Variants in ATP2C2 observed in about 807,000 individuals in gnomAD.
The protein encoded by ATP2C2 is calcium-transporting ATPase type 2C member 2.
A neutral mutation model predicts 110.8 loss-of-function variants in ATP2C2; 171 were observed. The ratio of observed to expected loss-of-function variants is 1.54; its 90% CI spans 1.36 to 1.75. The LOEUF (loss-of-function observed/expected upper bound fraction) is 1.75. Among genes scored for constraint, ATP2C2 ranks in the 40% most tolerant of loss-of-function variants. The pLI is 0.00. For synonymous variants in ATP2C2, 804 were observed against 508.4 expected, an observed-to-expected ratio of 1.58 and a Z score of -7.82; for missense variants, 1,963 against 1,235.0, an observed-to-expected ratio of 1.59 and a Z score of -8.84.
At chr16:84,449,244 C>G (rs1022773302) in intron 17 of ATP2C2, among the ~76,000 whole-genome samples, 2 of 152,234 alleles carry the variant, frequency 1.3e-5, no homozygotes, top group African/African-American at 4.8e-5. Context: ...CTTACTGGCT[C>G]AGGAGCCTTG....
intron 21 of ATP2C2, among the ~76,000 whole-genome samples, chr16:84,455,753 A>G (rs75848371): frequency 1.6e-5 from 1 of 64,490 alleles, no homozygotes; most frequent in Middle Eastern, 8.1e-3. Context: ...CACACTTAGA[A>G]AAAAAAAAAA....
chr16:84,459,654 C>A, intron 23 of ATP2C2: 1 of 1,386,138 alleles, frequency 7.2e-7, no homozygotes, highest in Non-Finnish European at 9.8e-7. Flanking sequence ...CTGCATGGCT[C>A]ATTCTCATGC....
intron 15 of ATP2C2, among the ~76,000 whole-genome samples, chr16:84,443,402 T>A (rs1041567655): frequency 6.6e-6 from 1 of 152,164 alleles, no homozygotes; most frequent in East Asian, 1.9e-4. Context: ...CTTTCTGCTG[T>A]GTGACTTGTC....
chr16:84,442,672 C>A, intron 15 of ATP2C2, 73 bp downstream of exon 15: 7 of 1,431,444 alleles, frequency 4.9e-6, no homozygotes, highest in Non-Finnish European at 6.9e-6. Flanking sequence ...AAAGCCAGCT[C>A]CTGTCTGAGC....
chr16:84,429,202 A>T (rs191852368), intron 11 of ATP2C2, among the ~76,000 whole-genome samples: 11 of 152,264 alleles, frequency 7.2e-5, no homozygotes, highest in Admixed American at 3.9e-4. Context: ...CCCAGGCTGG[A>T]GTGCAATGGC....
At chr16:84,459,052 C>A (rs1356945846) in intron 21 of ATP2C2, 68 bp from the exon 22 acceptor site, 8 of 1,553,080 alleles carry the variant, frequency 5.2e-6, no homozygotes, top group African/African-American at 1.4e-5. Flanking sequence ...CCCCTTGCAG[C>A]AACCGATGCA....
chr16:84,398,803 C>T (rs1257886020), intron 2 of ATP2C2, among the ~76,000 whole-genome samples, 194 bp downstream of exon 2: 2 of 152,200 alleles, frequency 1.3e-5, no homozygotes, highest in African/African-American at 2.4e-5. Context: ...TAGAGCTCGT[C>T]TTCACCAGGC....
At chr16:84,441,013 G>T (rs1909205991) in intron 14 of ATP2C2, 55 bp downstream of exon 14, 1 of 1,391,876 alleles carries the variant, frequency 7.2e-7, no homozygotes, top group Non-Finnish European at 1.0e-6. Flanking sequence ...GGCTTCTGGG[G>T]CTCCTCTCTG....
chr16:84,370,864 A>T (rs775372256), intron 1 of ATP2C2, among the ~76,000 whole-genome samples: 2 of 151,986 alleles, frequency 1.3e-5, no homozygotes, highest in African/African-American at 4.8e-5. Context: ...GTTACTGAGA[A>T]CTTGCTGTGT....
intron 7 of ATP2C2, among the ~76,000 whole-genome samples, chr16:84,421,031 C>T (rs1235070986): frequency 2.0e-5 from 3 of 152,120 alleles, no homozygotes; most frequent in African/African-American, 7.2e-5. Context: ...GTCTCGAACT[C>T]CTGACTTCAA....
Position 84,417,512 on chromosome 16 carries a change from A to G in ATP2C2, c.624+1921A>G, listed in dbSNP as rs143866668. Reference sequence around the variant, plus strand: ...TTTTATTTTTTATCATTATCGTTCTATACAACGGTTCTTTGAAACAACTTT... The same window carrying G: ...TTTTATTTTTTATCATTATCGTTCTGTACAACGGTTCTTTGAAACAACTTT... On this transcript the variant is annotated intron_variant, in intron 7 of 26. Coordinates refer to ENST00000262429, the MANE Select transcript of ATP2C2 (RefSeq NM_014861.4). Among the ~76,000 whole-genome samples, 21 of 152,288 alleles carry G rather than the reference A, an allele frequency of 1.4e-4. 1 individual carries two copies. The highest frequency in any genetic ancestry group is 4.6e-4 in the African/African-American group (19 of 41,548).
chr16:84,453,369 A>T lies in ATP2C2; in HGVS notation c.1978A>T (p.Lys660Ter), dbSNP rs372297683. The change falls in exon 20 of 27, where the codon AAG (lysine) becomes TAG (stop). Residue 660 changes from lysine (K) to a stop codon, truncating the protein, a stop_gained and splice_region_variant. Transcript: ENST00000262429. LOFTEE classifies it high-confidence loss of function. ...CCCAAAGCACAAGCTCAAAATCATC[A>T]AGGTTCGCTGGGCAAGGCAGGCACA... ...TSPKHKLKII[K>*]ALQESGAIVA... 3 of 1,614,100 alleles carry T rather than the reference A, an allele frequency of 1.9e-6. No individual in the cohort carries two copies. In the South Asian group the frequency reaches 3.3e-5, roughly 18 times the overall value.
chr16:84,408,181 T>A (rs1905945707), intron 3 of ATP2C2, among the ~76,000 whole-genome samples: 1 of 152,126 alleles, frequency 6.6e-6, no homozygotes, highest in South Asian at 2.1e-4. Flanking sequence ...GCCGGTGTCT[T>A]CAGGGGGTCA....
intron 18 of ATP2C2, among the ~76,000 whole-genome samples, 197 bp downstream of exon 18, chr16:84,452,288 G>A (rs1910358631): frequency 6.6e-6 from 1 of 152,172 alleles, no homozygotes; most frequent in Admixed American, 6.5e-5. Flanking sequence ...AATGTTGGCA[G>A]GTTCTGCAAA....
intron 17 of ATP2C2, among the ~76,000 whole-genome samples, chr16:84,449,340 G>T (rs1044259893): frequency 3.9e-5 from 6 of 152,232 alleles, no homozygotes; most frequent in African/African-American, 1.2e-4. Flanking sequence ...GGCTTTCTGG[G>T]GCACAGTGAA....
In ATP2C2 at chr16:84,442,518, T is replaced by C; in HGVS notation, c.1320T>C (p.Cys440=). 1 of 1,614,082 alleles carries C rather than the reference T, an allele frequency of 6.2e-7. No individual in the cohort carries two copies. The highest frequency in any genetic ancestry group is 8.5e-7 in the Non-Finnish European group (1 of 1,179,944). Residue 440 remains cysteine, a synonymous_variant, in exon 15 of 27, where the codon TGT becomes TGC. Coordinates refer to ENST00000262429, the MANE Select transcript of ATP2C2 (RefSeq NM_014861.4). ...GGACAATCCCCTTTTAGGCGGGCTG[T>C]GTTGCCAACAATGCGGTCATCAGAA... is the stretch of plus-strand genomic sequence containing the variant. The part of the protein sequence containing the change: ...VSVGKLVEAG[C]VANNAVIRKN...
intron 1 of ATP2C2, among the ~76,000 whole-genome samples, chr16:84,393,381 C>G: frequency 6.6e-6 from 1 of 152,066 alleles, no homozygotes; most frequent in African/African-American, 2.4e-5. Flanking sequence ...CAGTCACCAA[C>G]CCAGGGACTC....
At chr16:84,408,290 C>T in intron 3 of ATP2C2, 115 bp from the exon 4 acceptor site, 1 of 964,846 alleles carries the variant, frequency 1.0e-6, no homozygotes, top group Non-Finnish European at 1.6e-6. Flanking sequence ...ATGGTGTTGA[C>T]CTGGAAGCCT....
intron 3 of ATP2C2, among the ~76,000 whole-genome samples, chr16:84,408,182 C>T (rs1905945908): frequency 6.6e-6 from 1 of 152,144 alleles, no homozygotes; most frequent in South Asian, 2.1e-4. Context: ...CCGGTGTCTT[C>T]AGGGGGTCAG....
Sources: allele counts gnomAD v4.1 joint callset (sites outside exome capture counted in the v4.1 genomes callset), GRCh38; gene constraint gnomAD v4.1.1; transcripts MANE v1.5; gene names NCBI Gene and HGNC (gene_info 2026-07-23, HGNC 2026-07-21).